The following CREB1 variants were observed in gnomAD, a reference collection of about 807,000 sequenced individuals.
The protein encoded by CREB1 is cyclic AMP-responsive element-binding protein 1.
In CREB1, 2 loss-of-function variants were observed where a neutral mutation model predicts 42.0. The ratio of observed to expected loss-of-function variants is 0.05; its 90% CI spans 0.02 to 0.15. The LOEUF is 0.15. CREB1 is among the 10% of genes least tolerant of loss of function. The pLI is 1.00. For synonymous variants in CREB1, 123 were observed against 139.9 expected (o/e 0.88, Z 0.85); for missense variants, 199 against 388.9 (o/e 0.51, Z 4.11).
chr2:207,530,356 C>T (rs2080541777), intron 1 of CREB1, among the ~76,000 whole-genome samples: 1 of 149,732 alleles, frequency 6.7e-6, no homozygotes, highest in Admixed American at 6.6e-5. Context: ...GGCAGCGACT[C>T]TGCCTGCAGC....
intron 1 of CREB1, among the ~76,000 whole-genome samples, chr2:207,553,938 C>T (rs2081615651): frequency 6.6e-6 from 1 of 152,032 alleles, no homozygotes; most frequent in African/African-American, 2.4e-5. Context: ...ATAAATGGGG[C>T]TCTATTTTAC....
chr2:207,579,064 G>A (rs550771454), intron 7 of CREB1, among the ~76,000 whole-genome samples: 1 of 152,158 alleles, frequency 6.6e-6, no homozygotes, highest in South Asian at 2.1e-4. Context: ...GGGATTACAG[G>A]TATGAGCCAT....
intron 5 of CREB1, among the ~76,000 whole-genome samples, chr2:207,573,718 A>G (rs957132624): frequency 3.9e-5 from 6 of 152,210 alleles, no homozygotes; most frequent in Non-Finnish European, 7.3e-5. Context: ...GGAAGACAGA[A>G]CAAGACCCTG....
chr2:207,553,120 G>T, intron 1 of CREB1, among the ~76,000 whole-genome samples: 1 of 135,522 alleles, frequency 7.4e-6, no homozygotes, highest in African/African-American at 2.8e-5. Flanking sequence ...CGAGGCTGGA[G>T]TGCAGTGGCA....
intron 1 of CREB1, among the ~76,000 whole-genome samples, chr2:207,547,548 G>T (rs2081343188): frequency 6.6e-6 from 1 of 152,102 alleles, no homozygotes; most frequent in Non-Finnish European, 1.5e-5. Context: ...ATGTATAGAG[G>T]TTTCTGTGAG....
At chr2:207,564,813 C>T (rs2106510144) in intron 3 of CREB1, among the ~76,000 whole-genome samples, 1 of 152,040 alleles carries the variant, frequency 6.6e-6, no homozygotes, top group East Asian at 1.9e-4. Context: ...AATTTCTTGA[C>T]TTACAAGTGG....
intron 1 of CREB1, 80 bp from the exon 2 acceptor site, chr2:207,555,548 T>G: frequency 2.5e-6 from 2 of 787,986 alleles, no homozygotes; most frequent in Non-Finnish European, 4.2e-6. Context: ...ATATACCTAT[T>G]TATAACTTGA....
intron 1 of CREB1, among the ~76,000 whole-genome samples, chr2:207,532,934 A>T (rs1202101318): frequency 6.6e-6 from 1 of 151,746 alleles, no homozygotes; most frequent in African/African-American, 2.4e-5. Context: ...TTTATTATTT[A>T]TACATTCATA....
intron 1 of CREB1, among the ~76,000 whole-genome samples, chr2:207,547,660 A>G (rs1461149925): frequency 6.6e-6 from 1 of 152,046 alleles, no homozygotes; most frequent in Non-Finnish European, 1.5e-5. Flanking sequence ...TAAAAATATT[A>G]TCTAAAATAT....
chr2:207,570,155 T>C, intron 4 of CREB1, 24 bp from the exon 5 acceptor site: 1 of 1,556,152 alleles, frequency 6.4e-7, no homozygotes. Flanking sequence ...TATTTTTAAT[T>C]ATTCTAGTTT....
At position 207,571,219 on chromosome 2, in the gene CREB1, A is replaced by G. The variant is rs528383023; in HGVS notation, c.505+898A>G. On this transcript the variant is annotated intron_variant, in intron 5 of 7. Transcript: ENST00000353267. ...GGAATCTGTATCAGAAATATGCATA[A>G]AAGTTTGAGGCCAGGCACAGTGGCT... is the stretch of plus-strand genomic sequence containing the variant. 1.8e-3 allele frequency among the ~76,000 whole-genome samples: 268 copies of G among 152,004 alleles called. 2 individuals carry two copies. The highest frequency in any genetic ancestry group is 6.3e-3 in the African/African-American group (261 of 41,480).
chr2:207,537,053 TTTGTTG>T (rs79835550), intron 1 of CREB1, among the ~76,000 whole-genome samples: 12 of 151,626 alleles, frequency 7.9e-5, no homozygotes, highest in African/African-American at 2.4e-4. Flanking sequence ...TACAAAGTGC[TTTGTTG>T]TTGTTGTTGT....
chr2:207,560,274 C>G lies in CREB1; in HGVS notation c.163C>G (p.Leu55Val). The G allele has an allele frequency of 6.2e-7, 1 of 1,614,036 alleles. No homozygotes were observed. Among genetic ancestry groups the G allele is most frequent in the East Asian group, 2.2e-5 (1 of 44,868 alleles). The stretch of plus-strand genomic sequence containing the variant: ...AACATCATCTGCTCCCACCGTAACT[C>G]TAGTACAGCTGCCCAATGGGCAGAC... ...HATSSAPTVT[L>V]VQLPNGQTVQ... Residue 55 changes from leucine (L) to valine (V), a missense_variant, in exon 3 of 8, where the codon CTA (leucine) becomes GTA (valine). Around this residue, in one of 4 missense-constraint regions of CREB1, gnomAD observed 66 missense variants for 150.8 expected, o/e 0.44. Coordinates refer to ENST00000353267, the MANE Select transcript of CREB1 (RefSeq NM_004379.5).
chr2:207,538,253 C>T (rs1048387257), intron 1 of CREB1, among the ~76,000 whole-genome samples: 6 of 151,894 alleles, frequency 4.0e-5, no homozygotes, highest in South Asian at 2.1e-4. Context: ...CGTATTCTGG[C>T]GTTTATTCCA....
At chr2:207,540,539 G>A (rs73055023) in intron 1 of CREB1, among the ~76,000 whole-genome samples, 11,879 of 151,528 alleles carry the variant, frequency 0.078, 898 homozygotes, top group East Asian at 0.23. Flanking sequence ...TGCTACTCAC[G>A]AGGCCAAGGC....
intron 7 of CREB1, 137 bp downstream of exon 7, chr2:207,577,792 C>A: frequency 9.9e-7 from 1 of 1,005,274 alleles, no homozygotes; most frequent in Non-Finnish European, 1.5e-6. Context: ...ATGGATCTTG[C>A]TAAATTTTCT....
intron 7 of CREB1, 123 bp from the exon 8 acceptor site, chr2:207,596,791 T>A: frequency 1.8e-6 from 2 of 1,129,628 alleles, no homozygotes. Flanking sequence ...TTTCCAATGC[T>A]TAATATATAC....
intron 6 of CREB1, chr2:207,577,225 G>A (rs1294021155): frequency 2.7e-6 from 3 of 1,125,306 alleles, no homozygotes; most frequent in East Asian, 5.3e-5. Context: ...TAGACTTAAG[G>A]TTGGTAAGCA....
chr2:207,557,583 G>A (rs1395859465), intron 2 of CREB1, among the ~76,000 whole-genome samples: 2 of 152,070 alleles, frequency 1.3e-5, no homozygotes, highest in Non-Finnish European at 2.9e-5. Flanking sequence ...TCGGGAGGCT[G>A]AGGCAGGAGA....
Sources: gnomAD v4.1 joint callset for allele counts (sites outside exome capture counted in the v4.1 genomes callset) on GRCh38, gnomAD v4.1.1 for gene constraint, gnomAD v4.1.1 regional missense constraint, MANE v1.5 for transcripts, NCBI Gene and HGNC (gene_info 2026-07-23, HGNC 2026-07-21) for gene names.